CCDC30: variants seen among roughly 807,000 people sequenced by gnomAD.
The protein encoded by CCDC30 is coiled-coil domain-containing protein 30.
In CCDC30, 70 loss-of-function variants were observed where a neutral mutation model predicts 100.2. The observed-to-expected ratio is 0.70, with a 90% CI of 0.58 to 0.85. CCDC30 has a LOEUF of 0.85. CCDC30 is among the 40% of genes least tolerant of loss of function. The pLI is 0.00. For missense variants in CCDC30, 652 were observed against 771.2 expected (o/e 0.85, Z 1.83); for synonymous variants, 233 against 269.5 (o/e 0.86, Z 1.33).
intron 11 of CCDC30, among the ~76,000 whole-genome samples, chr1:42,615,780 T>C (rs904272557): frequency 2.0e-5 from 3 of 152,232 alleles, no homozygotes; most frequent in African/African-American, 7.2e-5. Context: ...GAACCCAGCA[T>C]GTACTTCCTG....
chr1:42,499,908 T>A (rs1258961833), intron 6 of CCDC30, among the ~76,000 whole-genome samples: 1 of 152,170 alleles, frequency 6.6e-6, no homozygotes, highest in Non-Finnish European at 1.5e-5. Flanking sequence ...GCAGGACACC[T>A]TGGGCCAGCT....
Position 42,518,454 on chromosome 1 carries a change from C to A in CCDC30, c.456+19538C>A, listed in dbSNP as rs80219172. Among the ~76,000 whole-genome samples the A allele has an allele frequency of 9.9e-5, 15 of 152,230 alleles. No homozygotes were observed. In the East Asian group the frequency reaches 2.9e-3, roughly 29 times the overall value. On this transcript the variant is annotated intron_variant, in intron 6 of 16. Coordinates refer to ENST00000668663, the Ensembl canonical transcript of CCDC30. Reference sequence around the variant, plus strand: ...AATGGACTACATTTGTGACAGTAGTCCCATATGGTTATAATACTGTGTTTT... The same window carrying A: ...AATGGACTACATTTGTGACAGTAGTACCATATGGTTATAATACTGTGTTTT...
intron 4 of CCDC30, chr1:42,492,443 G>A (rs765626531): frequency 2.2e-4 from 37 of 171,686 alleles, no homozygotes; most frequent in Admixed American, 3.2e-4. Context: ...GATGAGACAG[G>A]TGCTAAAGTC....
intron 15 of CCDC30, among the ~76,000 whole-genome samples, chr1:42,647,490 G>A (rs2148693498): frequency 6.6e-6 from 1 of 152,206 alleles, no homozygotes; most frequent in South Asian, 2.1e-4. Flanking sequence ...AATAATAGTG[G>A]GGACTTTAAC....
chr1:42,604,442 A>G (rs1293942852), intron 10 of CCDC30, among the ~76,000 whole-genome samples: 4 of 152,222 alleles, frequency 2.6e-5, no homozygotes, highest in Non-Finnish European at 4.4e-5. Flanking sequence ...ATCCCAGATT[A>G]TCTATTCTGA....
chr1:42,562,470 G>GACTTAAATGTAAAACTCAA (rs1645511302), intron 6 of CCDC30, among the ~76,000 whole-genome samples: 2 of 152,156 alleles, frequency 1.3e-5, no homozygotes, highest in African/African-American at 4.8e-5. Context: ...ATGGATTAAA[G>GACTTAAATGTAAAACTCAA]ACTTAAATGT....
Position 42,550,957 on chromosome 1 carries a change from A to G in CCDC30, c.457-15339A>G, listed in dbSNP as rs373922516. On this transcript the variant is annotated intron_variant, in intron 6 of 16. Coordinates refer to ENST00000668663, the Ensembl canonical transcript of CCDC30. ...TACTAGGCTTTAATTCACTTTAATG[A>G]TATCTTTTTTATTTTTTATTCATTT... Among the ~76,000 whole-genome samples the G allele has an allele frequency of 1.2e-4, 19 of 152,254 alleles. No homozygotes were observed. In the East Asian group the frequency reaches 2.1e-3, roughly 17 times the overall value.
chr1:42,476,980 G>A (rs938886181), intron 1 of CCDC30, among the ~76,000 whole-genome samples: 17 of 138,096 alleles, frequency 1.2e-4, no homozygotes, highest in Admixed American at 7.6e-5. Context: ...TTCCTTTCTT[G>A]CTTTCTACTG....
At chr1:42,485,986 A>T (rs1398392889) in intron 3 of CCDC30, among the ~76,000 whole-genome samples, 1 of 152,232 alleles carries the variant, frequency 6.6e-6, no homozygotes, top group Non-Finnish European at 1.5e-5. Context: ...ACAGACAGTG[A>T]CAACTGTTGG....
intron 8 of CCDC30, among the ~76,000 whole-genome samples, chr1:42,578,222 G>C (rs780249444): frequency 6.6e-6 from 1 of 152,064 alleles, no homozygotes; most frequent in Non-Finnish European, 1.5e-5. Context: ...ACAGCAATCT[G>C]AATTAAACTA....
At chr1:42,630,406 G>A (rs1647015298) in intron 11 of CCDC30, among the ~76,000 whole-genome samples, 1 of 146,008 alleles carries the variant, frequency 6.8e-6, no homozygotes, top group Admixed American at 6.9e-5. Context: ...TTTTTCAGAT[G>A]GAGTCTCGCT....
chr1:42,563,546 C>T (rs1374564129), intron 6 of CCDC30, among the ~76,000 whole-genome samples: 3 of 152,148 alleles, frequency 2.0e-5, no homozygotes, highest in African/African-American at 7.2e-5. Context: ...AACAAACCTG[C>T]ACATTCTGAC....
chr1:42,529,179 A>G (rs1472181115), intron 6 of CCDC30, among the ~76,000 whole-genome samples: 3 of 152,258 alleles, frequency 2.0e-5, no homozygotes, highest in Non-Finnish European at 4.4e-5. Context: ...AGAAATCTTT[A>G]AAACCGGAAA....
At chr1:42,518,294 C>G (rs1270737449) in intron 6 of CCDC30, among the ~76,000 whole-genome samples, 1 of 152,028 alleles carries the variant, frequency 6.6e-6, no homozygotes, top group African/African-American at 2.4e-5. Context: ...AGAAATGCAA[C>G]TAATTTATGT....
chr1:42,507,699 G>A (rs1644416729), intron 6 of CCDC30, among the ~76,000 whole-genome samples: 3 of 152,044 alleles, frequency 2.0e-5, no homozygotes, highest in Admixed American at 1.3e-4. Flanking sequence ...TTTTGATTAT[G>A]TACTAGGCAC....
intron 11 of CCDC30, among the ~76,000 whole-genome samples, chr1:42,612,116 GTCTT>G (rs1452843803): frequency 6.6e-6 from 1 of 152,084 alleles, no homozygotes; most frequent in African/African-American, 2.4e-5. Context: ...GTTTTATACT[GTCTT>G]TCTCTTAATA....
At chr1:42,653,440 C>T (rs1199854067) in exon 16 of CCDC30, 1 of 1,589,318 alleles carries the variant, frequency 6.3e-7, no homozygotes, top group African/African-American at 1.3e-5. Flanking sequence ...TTATCAAACT[C>T]CAGGTTAGTA....
At chr1:42,626,255 A>G (rs1646931521) in intron 11 of CCDC30, among the ~76,000 whole-genome samples, 1 of 152,054 alleles carries the variant, frequency 6.6e-6, no homozygotes, top group South Asian at 2.1e-4. Flanking sequence ...TTTATAGGTA[A>G]AATGTCCTTT....
chr1:42,483,106 C>T, intron 3 of CCDC30: 1 of 231,230 alleles, frequency 4.3e-6, no homozygotes, highest in Non-Finnish European at 8.3e-6. Flanking sequence ...CTTCCTCCTC[C>T]TTCAGAGTAA....
Sources: gnomAD v4.1 joint callset for allele counts (sites outside exome capture counted in the v4.1 genomes callset) on GRCh38, gnomAD v4.1.1 for gene constraint, MANE v1.5 for transcripts, NCBI Gene and HGNC (gene_info 2026-07-23, HGNC 2026-07-21) for gene names.